The following LRP1B variants were observed in gnomAD, a reference collection of about 807,000 sequenced individuals.
LRP1B encodes low-density lipoprotein receptor-related protein 1B.
A neutral mutation model predicts 556.6 loss-of-function variants in LRP1B; 217 were observed. That is an observed-to-expected ratio of 0.39 (90% CI 0.35 to 0.44). LRP1B has a LOEUF of 0.44. Ranked by LOEUF, LRP1B falls within the 20% of genes least tolerant of loss-of-function variation. The pLI is 1.00. For missense variants in LRP1B, 5,053 were observed against 5,620.8 expected (o/e 0.90, Z 3.23); for synonymous variants, 2,047 against 1,865.8 (o/e 1.10, Z -2.50).
intron 37 of LRP1B, among the ~76,000 whole-genome samples, chr2:140,705,912 A>C (rs1686821266): frequency 6.6e-6 from 1 of 152,168 alleles, no homozygotes; most frequent in Non-Finnish European, 1.5e-5. Context: ...TTTTATGTCA[A>C]GCAAATAATA....
chr2:140,239,365 TAAC>T (rs1020137140), intron 88 of LRP1B, 74 bp downstream of exon 88: 6 of 926,462 alleles, frequency 6.5e-6, no homozygotes, highest in Non-Finnish European at 9.8e-6. Context: ...TTAAAAAAAT[TAAC>T]AACAAACATT....
intron 43 of LRP1B, among the ~76,000 whole-genome samples, chr2:140,592,454 T>G (rs1488699150): frequency 2.0e-5 from 3 of 152,106 alleles, no homozygotes; most frequent in Non-Finnish European, 4.4e-5. Flanking sequence ...TCCTTTTTTT[T>G]TTTAGAAGTT....
intron 3 of LRP1B, among the ~76,000 whole-genome samples, chr2:141,260,170 T>G (rs111371567): frequency 6.6e-6 from 1 of 152,132 alleles, no homozygotes; most frequent in Non-Finnish European, 1.5e-5. Flanking sequence ...CTCCAACAGA[T>G]AGTGAAACAC....
intron 5 of LRP1B, among the ~76,000 whole-genome samples, chr2:141,231,922 A>C (rs2105299812): frequency 6.6e-6 from 1 of 152,310 alleles, no homozygotes. Flanking sequence ...CAATGGAGAA[A>C]ATAGTCTTAT....
At chr2:140,860,882 G>A (rs898543055) in intron 27 of LRP1B, among the ~76,000 whole-genome samples, 21 of 152,214 alleles carry the variant, frequency 1.4e-4, no homozygotes, top group African/African-American at 4.1e-4. Context: ...AGAAGAGTTA[G>A]ATTTCACTTT....
chr2:142,127,342 T>C (rs10928136), intron 1 of LRP1B, among the ~76,000 whole-genome samples: 33,390 of 151,532 alleles, frequency 0.22, 4,291 homozygotes, highest in African/African-American at 0.35. Context: ...CAAGAAATAC[T>C]GATTCAGATT....
At chr2:141,726,882 T>G (rs574359258) in intron 2 of LRP1B, among the ~76,000 whole-genome samples, 1 of 152,120 alleles carries the variant, frequency 6.6e-6, no homozygotes, top group Non-Finnish European at 1.5e-5. Flanking sequence ...GTAATAATCC[T>G]TGAAAGGATT....
chr2:140,320,886 TACACAC>T (rs59640913), intron 82 of LRP1B, among the ~76,000 whole-genome samples: 5 of 150,898 alleles, frequency 3.3e-5, no homozygotes, highest in African/African-American at 9.7e-5. Flanking sequence ...CTACTAAAAA[TACACAC>T]ACACACACAC....
intron 2 of LRP1B, among the ~76,000 whole-genome samples, chr2:141,708,108 T>G (rs1465344788): frequency 1.3e-5 from 2 of 152,122 alleles, no homozygotes; most frequent in African/African-American, 4.8e-5. Context: ...TATAATTATT[T>G]CCCACTTGCT....
chr2:141,436,406 G>C (rs766453474), intron 3 of LRP1B, among the ~76,000 whole-genome samples: 1 of 152,108 alleles, frequency 6.6e-6, no homozygotes, highest in Non-Finnish European at 1.5e-5. Flanking sequence ...GGTTGCCAGG[G>C]GTTGAGAGAT....
At position 140,951,922 on chromosome 2, in the gene LRP1B, G is replaced by A. The variant is rs1234290129; in HGVS notation, c.2906C>T (p.Pro969Leu). ...MASCEFPTCE[P>L]LTQFVCKSGR... The stretch of plus-strand genomic sequence containing the variant: ...ACTTTTGCATACGAATTGGGTTAGT[G>A]GCTCACAAGTTGGGAATTCTGTGAA... Residue 969 changes from proline to leucine, a missense_variant, in exon 19 of 91, where the codon CCA becomes CTA. This residue lies in a region of LRP1B where 3,619 missense variants were observed against 3,931.9 expected (regional missense o/e 0.92). Coordinates refer to ENST00000389484, the MANE Select transcript of LRP1B (RefSeq NM_018557.3). 1.2e-6 allele frequency: 2 copies of A among 1,613,654 alleles called. No homozygotes were observed. Among genetic ancestry groups the A allele is most frequent in the Admixed American group, 3.3e-5 (2 of 60,008 alleles).
intron 46 of LRP1B, among the ~76,000 whole-genome samples, chr2:140,534,479 A>G (rs1423583992): frequency 6.6e-6 from 1 of 152,172 alleles, no homozygotes; most frequent in Non-Finnish European, 1.5e-5. Flanking sequence ...ATGTAACTCA[A>G]ATGTAACAAA....
chr2:140,983,287 G>A (rs946616963), intron 17 of LRP1B, among the ~76,000 whole-genome samples: 1 of 152,016 alleles, frequency 6.6e-6, no homozygotes, highest in African/African-American at 2.4e-5. Flanking sequence ...TATTGGGAAA[G>A]GGATACTCAG....
chr2:140,708,888 A>G (rs1686935135), intron 37 of LRP1B, among the ~76,000 whole-genome samples: 2 of 151,926 alleles, frequency 1.3e-5, no homozygotes, highest in Admixed American at 1.3e-4. Flanking sequence ...CTATCTTACC[A>G]GCATTATTCC....
chr2:141,019,137 A>G (rs1009455805), intron 12 of LRP1B, among the ~76,000 whole-genome samples: 10 of 152,240 alleles, frequency 6.6e-5, no homozygotes, highest in Middle Eastern at 6.8e-3. Flanking sequence ...TGATATTTCT[A>G]TAAGTACAGT....
chr2:140,293,588 C>G (rs566188390), intron 84 of LRP1B, among the ~76,000 whole-genome samples: 14 of 152,088 alleles, frequency 9.2e-5, no homozygotes, highest in Non-Finnish European at 2.1e-4. Context: ...TGTAATGAAC[C>G]ATTCTGTCAT....
intron 12 of LRP1B, 26 bp downstream of exon 12, chr2:141,019,896 T>C (rs202171938): frequency 3.7e-5 from 54 of 1,478,318 alleles, no homozygotes; most frequent in African/African-American, 2.6e-4. Context: ...ATTTTTCTTA[T>C]ATAAAGCTAG....
intron 3 of LRP1B, among the ~76,000 whole-genome samples, chr2:141,264,575 C>T (rs149922458): frequency 1.3e-3 from 196 of 152,236 alleles, no homozygotes; most frequent in African/African-American, 4.5e-3. Context: ...CTGCCTCAGC[C>T]TCCTGAGTTT....
At chr2:141,070,240 G>T (rs1199493435) in intron 7 of LRP1B, among the ~76,000 whole-genome samples, 1 of 151,326 alleles carries the variant, frequency 6.6e-6, no homozygotes, top group Non-Finnish European at 1.5e-5. Context: ...TGAACAACCT[G>T]CTCCTGAATG....
Sources: allele counts gnomAD v4.1 joint callset (sites outside exome capture counted in the v4.1 genomes callset), GRCh38; gene constraint gnomAD v4.1.1; regional missense constraint gnomAD v4.1.1; transcripts MANE v1.5; gene names NCBI Gene and HGNC (gene_info 2026-07-23, HGNC 2026-07-21).